FAM184A: variants seen among roughly 807,000 people sequenced by gnomAD.
The protein encoded by FAM184A is family with sequence similarity 184 member A, also known as protein FAM184A.
FAM184A carries 99 observed loss-of-function variants against 143.8 expected under a neutral mutation model. The observed-to-expected ratio is 0.69, with a 90% CI of 0.58 to 0.81. FAM184A has a LOEUF of 0.81. Among genes scored for constraint, FAM184A ranks in the 40% least tolerant of loss-of-function variants. The pLI is 0.00. For missense variants in FAM184A, 1,217 were observed against 1,310.5 expected, an observed-to-expected ratio of 0.93 and a Z score of 1.10; for synonymous variants, 427 against 446.4, an observed-to-expected ratio of 0.96 and a Z score of 0.55.
intron 1 of FAM184A, among the ~76,000 whole-genome samples, chr6:119,095,765 C>T (rs977093784): frequency 1.3e-5 from 2 of 152,040 alleles, no homozygotes; most frequent in Non-Finnish European, 2.9e-5. Flanking sequence ...TGCTATGTTG[C>T]CCAGGCTGGA....
chr6:119,105,518 G>A (rs1052353124), intron 1 of FAM184A, among the ~76,000 whole-genome samples: 4 of 152,104 alleles, frequency 2.6e-5, no homozygotes, highest in African/African-American at 9.7e-5. Flanking sequence ...AGGCTTCCCA[G>A]TCATGTTTCC....
intron 1 of FAM184A, among the ~76,000 whole-genome samples, chr6:119,128,587 G>A (rs1789437234): frequency 6.6e-6 from 1 of 152,120 alleles, no homozygotes; most frequent in African/African-American, 2.4e-5. Context: ...AGTTACTGGA[G>A]AGGAGTGTCT....
upstream of FAM184A, among the ~76,000 whole-genome samples, chr6:119,081,135 C>T (rs1156829282): frequency 6.6e-6 from 1 of 152,132 alleles, no homozygotes; most frequent in East Asian, 1.9e-4. Context: ...AGAAAACTTA[C>T]AACATGGAGG....
intron 1 of FAM184A, among the ~76,000 whole-genome samples, chr6:119,034,999 C>T (rs1786055655): frequency 6.6e-6 from 1 of 152,186 alleles, no homozygotes; most frequent in African/African-American, 2.4e-5. Context: ...GTAATAACAG[C>T]TGTCTCTGTG....
intron 1 of FAM184A, chr6:119,025,667 T>C (rs568215113): frequency 5.8e-5 from 30 of 514,486 alleles, no homozygotes; most frequent in African/African-American, 5.4e-4. Context: ...CCATCCATCA[T>C]GCCACTGTGG....
At chr6:119,119,988 G>T (rs1582633005) in intron 1 of FAM184A, among the ~76,000 whole-genome samples, 1 of 152,022 alleles carries the variant, frequency 6.6e-6, no homozygotes, top group Non-Finnish European at 1.5e-5. Flanking sequence ...TGCCCCAAAT[G>T]ATAATAATAA....
intron 1 of FAM184A, among the ~76,000 whole-genome samples, chr6:119,114,703 G>A (rs1789014642): frequency 6.6e-6 from 1 of 151,968 alleles, no homozygotes; most frequent in African/African-American, 2.4e-5. Context: ...CACCATGCCT[G>A]GCTAATTGTT....
At chr6:118,998,909 T>C (rs1278055568) in intron 9 of FAM184A, among the ~76,000 whole-genome samples, 1 of 152,204 alleles carries the variant, frequency 6.6e-6, no homozygotes, top group Non-Finnish European at 1.5e-5. Flanking sequence ...GATAGTAATA[T>C]AATCCAACTT....
intron 1 of FAM184A, chr6:119,057,849 T>G (rs866036302): frequency 3.3e-5 from 5 of 151,574 alleles, no homozygotes; most frequent in Non-Finnish European, 7.4e-5. Context: ...CTGTGTTTTT[T>G]TTTTTTTTTA....
chr6:119,023,177 G>A, intron 2 of FAM184A, 97 bp from the exon 3 acceptor site: 3 of 1,320,322 alleles, frequency 2.3e-6, no homozygotes, highest in Non-Finnish European at 3.2e-6. Context: ...TTATTCAGAA[G>A]TCATACTAAA....
chr6:119,103,199 C>T (rs1335977713), intron 1 of FAM184A, among the ~76,000 whole-genome samples: 1 of 152,210 alleles, frequency 6.6e-6, no homozygotes, highest in East Asian at 1.9e-4. Flanking sequence ...CCTGAAACTA[C>T]TACATCCATC....
At chr6:119,002,354 C>T (rs1353511044) in intron 9 of FAM184A, among the ~76,000 whole-genome samples, 1 of 152,060 alleles carries the variant, frequency 6.6e-6, no homozygotes, top group Non-Finnish European at 1.5e-5. Flanking sequence ...CTTTTAATTA[C>T]AGTTACAAAT....
chr6:119,078,874 A>C (rs952323226), upstream of FAM184A: 1 of 153,238 alleles, frequency 6.5e-6, no homozygotes, highest in Admixed American at 6.6e-5. This position sits in a 1 kb window ranked among gnomAD's most constrained non-coding sequence, Gnocchi z 5.5. Context: ...TCGATCCGGG[A>C]TCGTGCCGCC....
chr6:119,120,512 A>G (rs1452617018), intron 1 of FAM184A, among the ~76,000 whole-genome samples: 1 of 152,224 alleles, frequency 6.6e-6, no homozygotes, highest in Admixed American at 6.5e-5. Flanking sequence ...TCTTGAGTAT[A>G]TACACAGAGG....
chr6:119,023,566 C>CCG (rs1785526860), intron 2 of FAM184A, among the ~76,000 whole-genome samples: 4 of 99,732 alleles, frequency 4.0e-5, no homozygotes, highest in Admixed American at 1.4e-4. Context: ...CCCCCCCCCC[C>CCG]AGGAACAGCG....
At chr6:119,147,580 A>C (rs1298423839) in intron 1 of FAM184A, among the ~76,000 whole-genome samples, 1 of 152,170 alleles carries the variant, frequency 6.6e-6, no homozygotes, top group African/African-American at 2.4e-5. Flanking sequence ...CAGAGAAGGA[A>C]ACCAACCCCC....
At chr6:118,960,903 A>G in intron 17 of FAM184A, 1 of 1,115,414 alleles carries the variant, frequency 9.0e-7, no homozygotes. Flanking sequence ...AGCAACACAA[A>G]ATATTTAGCA....
intron 1 of FAM184A, among the ~76,000 whole-genome samples, chr6:119,100,236 A>G (rs550252977): frequency 6.6e-6 from 1 of 152,182 alleles, no homozygotes; most frequent in Non-Finnish European, 1.5e-5. Context: ...GAAATGGTAC[A>G]GGAAATGGAA....
At chr6:119,018,904 G>C (rs532206503) in intron 4 of FAM184A, among the ~76,000 whole-genome samples, 1 of 152,198 alleles carries the variant, frequency 6.6e-6, no homozygotes, top group Admixed American at 6.5e-5. Flanking sequence ...AGACAGTGGT[G>C]CTATTGGTTG....
Sources: gnomAD v4.1 joint callset for allele counts (sites outside exome capture counted in the v4.1 genomes callset) on GRCh38, gnomAD v4.1.1 for gene constraint, Gnocchi (gnomAD v3.1) non-coding constraint, MANE v1.5 for transcripts, NCBI Gene and HGNC (gene_info 2026-07-23, HGNC 2026-07-21) for gene names.